Variants in FUT9 observed in about 807,000 individuals in gnomAD.
The protein encoded by FUT9 is 4-galactosyl-N-acetylglucosaminide 3-alpha-L-fucosyltransferase 9.
Under a neutral mutation model 29.7 loss-of-function variants are expected in FUT9, and 15 were observed. That is an observed-to-expected ratio of 0.51 (90% CI 0.34 to 0.78). The LOEUF (loss-of-function observed/expected upper bound fraction) is 0.78, where lower values mean the gene tolerates loss of function less well. FUT9 is among the 30% of genes least tolerant of loss of function. The probability of loss-of-function intolerance (pLI) is 0.01; values close to 1 mark genes in which losing one functional copy is unlikely to be tolerated. For synonymous variants in FUT9, 169 were observed against 153.7 expected (o/e 1.10, Z -0.74); for missense variants, 319 against 425.4 (o/e 0.75, Z 2.20).
chr6:96,172,586 C>T (rs970007297), intron 2 of FUT9, among the ~76,000 whole-genome samples: 7 of 151,816 alleles, frequency 4.6e-5, no homozygotes, highest in Admixed American at 4.6e-4. Context: ...TGGGTTTCTA[C>T]ATCATACCAC....
chr6:96,066,341 T>TA (rs57586282), intron 1 of FUT9, among the ~76,000 whole-genome samples: 84,092 of 151,494 alleles, frequency 0.56, 23,435 homozygotes, highest in South Asian at 0.64. Flanking sequence ...GAAATTTAAA[T>TA]AAAAATCTAG....
chr6:96,110,195 ATT>A (rs1771771959), intron 1 of FUT9, among the ~76,000 whole-genome samples: 1 of 152,014 alleles, frequency 6.6e-6, no homozygotes, highest in Non-Finnish European at 1.5e-5. Context: ...GGCCTTGCTA[ATT>A]CAGCCTGCCC....
At chr6:96,111,590 T>C (rs9373644) in intron 1 of FUT9, among the ~76,000 whole-genome samples, 25,803 of 149,984 alleles carry the variant, frequency 0.17, 2,423 homozygotes, top group Non-Finnish European at 0.19. Flanking sequence ...CACACAAATC[T>C]GAGTTACCAA....
In FUT9 at chr6:96,204,367, A is replaced by C. The variant is rs1257645408; in HGVS notation, c.*132A>C. On this transcript the variant is annotated 3_prime_UTR_variant, in exon 3 of 3. Transcript: ENST00000302103. ...TATCACCCTCTCTAGGGTAACGTGTATATTTTGGTGGAGATTTTTAAAAGC... is the reference window on the plus strand; with the variant it reads ...TATCACCCTCTCTAGGGTAACGTGTCTATTTTGGTGGAGATTTTTAAAAGC... The C allele has an allele frequency of 6.9e-6, 4 of 582,092 alleles. No individual in the cohort carries two copies. Among genetic ancestry groups the C allele is most frequent in the Admixed American group, 7.1e-5 (2 of 28,148 alleles). 36.1% of individuals were successfully genotyped at this position (582,092 alleles called of 1,614,324 possible).
chr6:96,134,795 C>G (rs1374655101), intron 2 of FUT9, among the ~76,000 whole-genome samples: 2 of 151,874 alleles, frequency 1.3e-5, no homozygotes, highest in Non-Finnish European at 2.9e-5. Flanking sequence ...ATGTGTATAA[C>G]CACTACACTA....
At chr6:96,160,963 C>T (rs768111231) in intron 2 of FUT9, among the ~76,000 whole-genome samples, 12 of 151,924 alleles carry the variant, frequency 7.9e-5, no homozygotes, top group Non-Finnish European at 1.0e-4. Flanking sequence ...ATTTTGAAAA[C>T]GTGAATTGTA....
chr6:96,081,562 T>C (rs1393485049), intron 1 of FUT9, among the ~76,000 whole-genome samples: 1 of 151,900 alleles, frequency 6.6e-6, no homozygotes, highest in Non-Finnish European at 1.5e-5. Flanking sequence ...TTTGAATGGC[T>C]TCCAAGATGA....
Position 96,173,465 on chromosome 6 carries a change from T to G in FUT9, c.-8-29683T>G, listed in dbSNP as rs1314401282. 2.6e-5 allele frequency among the ~76,000 whole-genome samples: 4 copies of G among 152,254 alleles called. No individual in the cohort carries two copies. In the East Asian group the frequency reaches 5.8e-4, roughly 22 times the overall value. On this transcript the variant is annotated intron_variant, in intron 2 of 2. Transcript: ENST00000302103. ...CGACTGATCATATTTCTTGGATAAG[T>G]TGGAGAATGTATCACACATCGTCAT...
chr6:96,135,797 C>A (rs1212907591), intron 2 of FUT9, among the ~76,000 whole-genome samples: 1 of 151,606 alleles, frequency 6.6e-6, no homozygotes, highest in Non-Finnish European at 1.5e-5. Flanking sequence ...AAGGTTAGAT[C>A]TTATTACATG....
At chr6:96,117,874 T>C (rs745925823) in intron 2 of FUT9, among the ~76,000 whole-genome samples, 30 of 152,154 alleles carry the variant, frequency 2.0e-4, no homozygotes, top group Non-Finnish European at 3.4e-4. Flanking sequence ...AAATTCAAAA[T>C]TTTTACCTGA....
At position 96,165,521 on chromosome 6, in the gene FUT9, T is replaced by TA. The variant is rs67592196; in HGVS notation, c.-8-37613dup. On this transcript the variant is annotated intron_variant, in intron 2 of 2. Transcript: ENST00000302103. ...TTTATTATAGCAATTAGCCCTAGGT[T>TA]AAAAAAAAAAAAAAGACCCAACCCA... is the stretch of plus-strand genomic sequence containing the variant. 3.6e-3 allele frequency among the ~76,000 whole-genome samples: 528 copies of TA among 145,566 alleles called. 2 individuals are homozygous for TA. Among genetic ancestry groups the TA allele is most frequent in the African/African-American group, 0.012 (476 of 39,504 alleles).
intron 1 of FUT9, among the ~76,000 whole-genome samples, chr6:96,102,645 T>C (rs539384483): frequency 2.2e-4 from 33 of 152,310 alleles, no homozygotes; most frequent in Non-Finnish European, 4.6e-4. Flanking sequence ...ATAACTTTAC[T>C]TAAAATCACA....
chr6:96,077,863 G>C (rs1771165085), intron 1 of FUT9, among the ~76,000 whole-genome samples: 1 of 152,048 alleles, frequency 6.6e-6, no homozygotes, highest in South Asian at 2.1e-4. Context: ...TATTCCTTTG[G>C]TTGTTCCTTT....
intron 1 of FUT9, among the ~76,000 whole-genome samples, chr6:96,021,197 A>T (rs572400133): frequency 1.4e-4 from 21 of 152,186 alleles, no homozygotes; most frequent in Admixed American, 1.4e-3. Flanking sequence ...GACAACAAAA[A>T]TTATTTAGTT....
chr6:96,102,544 C>A (rs1463218307), intron 1 of FUT9, among the ~76,000 whole-genome samples: 4 of 151,988 alleles, frequency 2.6e-5, no homozygotes, highest in Non-Finnish European at 5.9e-5. Flanking sequence ...CAAAGCTGAC[C>A]CAAATGGGCC....
chr6:96,027,331 A>C (rs1015962311), intron 1 of FUT9, among the ~76,000 whole-genome samples: 11 of 151,840 alleles, frequency 7.2e-5, no homozygotes, highest in Admixed American at 5.3e-4. Context: ...TAGAAATTTC[A>C]AAGCATCTCG....
intron 2 of FUT9, among the ~76,000 whole-genome samples, chr6:96,120,796 T>C (rs996279783): frequency 6.6e-6 from 1 of 151,806 alleles, no homozygotes; most frequent in Non-Finnish European, 1.5e-5. Flanking sequence ...GCTCCACTGT[T>C]TGTGATGACC....
intron 2 of FUT9, among the ~76,000 whole-genome samples, chr6:96,151,464 C>G (rs554517698): frequency 6.6e-6 from 1 of 152,234 alleles, no homozygotes; most frequent in East Asian, 1.9e-4. Context: ...GTTATCAGGC[C>G]AAATGCAGAC....
chr6:96,099,966 C>T (rs1034037754), intron 1 of FUT9, among the ~76,000 whole-genome samples: 4 of 152,016 alleles, frequency 2.6e-5, no homozygotes, highest in Admixed American at 6.6e-5. Flanking sequence ...GGCAATGAAT[C>T]CTCTTGTATT....
Sources: allele counts gnomAD v4.1 joint callset (sites outside exome capture counted in the v4.1 genomes callset), GRCh38; gene constraint gnomAD v4.1.1; transcripts MANE v1.5; gene names NCBI Gene and HGNC (gene_info 2026-07-23, HGNC 2026-07-21).